ZNF10: variants seen among roughly 807,000 people sequenced by gnomAD.
The protein encoded by ZNF10 is zinc finger protein 10.
In ZNF10, 8 loss-of-function variants were observed where a neutral mutation model predicts 12.2. That is an observed-to-expected ratio of 0.66 (90% CI 0.39 to 1.18). ZNF10 has a LOEUF of 1.18. Ranked by LOEUF, ZNF10 falls within the 50% of genes most tolerant of loss-of-function variation. The probability of loss-of-function intolerance (pLI) is 0.01; values close to 1 mark genes in which losing one functional copy is unlikely to be tolerated. For missense variants in ZNF10, 603 were observed against 678.9 expected (o/e 0.89, Z 1.24); for synonymous variants, 229 against 228.2 (o/e 1.00, Z -0.03).
In ZNF10 at chr12:133,157,231, A is replaced by G. The variant is rs117473141; in HGVS notation, c.*263A>G. On this transcript the variant is annotated 3_prime_UTR_variant, in exon 5 of 5. Transcript: ENST00000248211. ...TCTTGACCAAGTCTTAAATGCTAGA[A>G]TCTGAGAAGGAATTATTAAATAGGT... The G allele has an allele frequency of 0.034, 10,214 of 299,712 alleles. 221 individuals are homozygous for G. Among genetic ancestry groups the G allele is most frequent in the South Asian group, 0.081 (503 of 6,246 alleles). The allele number at this position is 299,712 out of a possible 1,614,324, so 18.6% of individuals were successfully genotyped here.
chr12:133,159,060 A>G lies in ZNF10; in HGVS notation c.*2092A>G, dbSNP rs1418838344. 6.6e-6 allele frequency: 1 copy of G among 152,248 alleles called. No homozygotes were observed. The highest frequency in any genetic ancestry group is 1.5e-5 in the Non-Finnish European group (1 of 68,034). 9.4% of individuals were successfully genotyped at this position (152,248 alleles called of 1,614,324 possible). ...CCTGTGGCTCAATTTCCTCAACTGT[A>G]TAATGAGGTTACTACTAGTATCTAC... On this transcript the variant is annotated 3_prime_UTR_variant, in exon 5 of 5. Coordinates refer to ENST00000248211, the MANE Select transcript of ZNF10 (RefSeq NM_015394.5).
At position 133,155,923 on chromosome 12, in the gene ZNF10, T is replaced by C. The variant is rs770726965; in HGVS notation, c.677T>C (p.Ile226Thr). 5.6e-6 allele frequency: 9 copies of C among 1,614,000 alleles called. 1 individual carries two copies. Among genetic ancestry groups the C allele is most frequent in the South Asian group, 5.5e-5 (5 of 91,082 alleles). ...GQTFCQNIHL[I>T]QFARTHTGDK... is the part of the protein sequence containing the mutation. ...ACTTTCTGTCAAAACATTCACCTTA[T>C]TCAGTTTGCAAGAACTCACACAGGT... Residue 226 changes from isoleucine to threonine, a missense_variant, in exon 5 of 5, where the codon ATT (isoleucine) becomes ACT (threonine). Transcript: ENST00000248211.
At position 133,151,043 on chromosome 12, in the gene ZNF10, A is replaced by G. The variant is rs753411089; in HGVS notation, c.49A>G (p.Lys17Glu). ...TAWSRTLVTFKDVFVDFTREE... is the reference protein window; with the variant it reads ...TAWSRTLVTFEDVFVDFTREE... ...GATGTTGTAGACACTGGTGACCTTC[A>G]AGGATGTATTTGTGGACTTCACCAG... Residue 17 changes from lysine to glutamate, a missense_variant, in exon 3 of 5, where the codon AAG becomes GAG. Transcript: ENST00000248211. 1 of 1,612,856 alleles carries G rather than the reference A, an allele frequency of 6.2e-7. No homozygotes were observed. The highest frequency in any genetic ancestry group is 1.1e-5 in the South Asian group (1 of 90,948).
In ZNF10 at chr12:133,156,997, A is replaced by T. The variant is rs774111409; in HGVS notation, c.*29A>T. 7.1e-7 allele frequency: 1 copy of T among 1,407,382 alleles called. No individual in the cohort carries two copies. The highest frequency in any genetic ancestry group is 2.7e-5 in the Admixed American group (1 of 36,824). 87.2% of individuals were successfully genotyped at this position (1,407,382 alleles called of 1,614,324 possible). On this transcript the variant is annotated 3_prime_UTR_variant, in exon 5 of 5. Coordinates refer to ENST00000248211, the MANE Select transcript of ZNF10 (RefSeq NM_015394.5). Reference sequence around the variant, plus strand: ...ATATGGGAATTTTTCACAAAGAGCAATGACTTTATTTTGCATTGGAGAACT... The same window carrying T: ...ATATGGGAATTTTTCACAAAGAGCATTGACTTTATTTTGCATTGGAGAACT...
chr12:133,144,661 A>G lies in ZNF10; in HGVS notation c.33+136A>G. ...TTTTTGTTTTGTTTCCAGGTGAGTTAGGAAGAAGACAGATCACTGTGGGCT... is the reference window on the plus strand; with the variant it reads ...TTTTTGTTTTGTTTCCAGGTGAGTTGGGAAGAAGACAGATCACTGTGGGCT... On this transcript the variant is annotated intron_variant, in intron 2 of 4. Transcript: ENST00000248211. 7.1e-6 allele frequency: 6 copies of G among 847,924 alleles called. No individual in the cohort carries two copies. The South Asian group carries it at 9.9e-5, about 14-fold the overall frequency. The allele number at this position is 847,924 out of a possible 1,614,324, so 52.5% of individuals were successfully genotyped here.
intron 2 of ZNF10, 22 bp downstream of exon 2, chr12:133,144,547 GT>G (rs749319003): frequency 1.2e-6 from 2 of 1,612,080 alleles, no homozygotes; most frequent in African/African-American, 2.7e-5. Context: ...TTTCTTCCCA[GT>G]TTCCAACTGG....
chr12:133,131,459 A>G (rs1242261172), intron 1 of ZNF10, among the ~76,000 whole-genome samples: 1 of 152,130 alleles, frequency 6.6e-6, no homozygotes, highest in Non-Finnish European at 1.5e-5. Flanking sequence ...CTATACATTA[A>G]TTGCAGAAAG....
At chr12:133,140,202 CAAAAAAAAAAAAA>C (rs67577219) in intron 1 of ZNF10, among the ~76,000 whole-genome samples, 10 of 35,202 alleles carry the variant, frequency 2.8e-4, no homozygotes, top group African/African-American at 3.8e-4. Flanking sequence ...GACCCTGTCT[CAAAAAAAAAAAAA>C]AAAAAAAAAA....
chr12:133,142,517 A>G (rs1463902734), intron 1 of ZNF10, among the ~76,000 whole-genome samples: 1 of 152,178 alleles, frequency 6.6e-6, no homozygotes. Flanking sequence ...CAATACACAC[A>G]GCCCAATTGT....
chr12:133,144,477 C>T lies in ZNF10; in HGVS notation c.-16C>T, dbSNP rs749560020. The T allele has an allele frequency of 1.9e-6, 3 of 1,613,636 alleles. No individual in the cohort carries two copies. The South Asian group carries it at 3.3e-5, about 18-fold the overall frequency. ...CTGCTGTCACTCAAGGAAGTATCAT[C>T]AAGAACAAGGAGGGCATGGATGCTA... On this transcript the variant is annotated 5_prime_UTR_variant, in exon 2 of 5. Coordinates refer to ENST00000248211, the MANE Select transcript of ZNF10 (RefSeq NM_015394.5).
At chr12:133,148,180 G>A (rs1955986632) in intron 2 of ZNF10, among the ~76,000 whole-genome samples, 1 of 152,078 alleles carries the variant, frequency 6.6e-6, no homozygotes, top group African/African-American at 2.4e-5. Context: ...GAGTGCAGTG[G>A]TGTGATCTGG....
At chr12:133,151,989 C>T in intron 4 of ZNF10, 85 bp downstream of exon 4, 2 of 1,027,770 alleles carry the variant, frequency 1.9e-6, no homozygotes, top group Non-Finnish European at 3.0e-6. Flanking sequence ...GGTCACTGGC[C>T]CTCCTCACAG....
At chr12:133,131,796 T>C (rs1032470848) in intron 1 of ZNF10, among the ~76,000 whole-genome samples, 27 of 152,244 alleles carry the variant, frequency 1.8e-4, no homozygotes, top group African/African-American at 6.0e-4. Context: ...TAGTATATGC[T>C]AGTCACAAGG....
At chr12:133,148,933 G>A (rs948838615) in intron 2 of ZNF10, among the ~76,000 whole-genome samples, 1 of 151,522 alleles carries the variant, frequency 6.6e-6, no homozygotes, top group Non-Finnish European at 1.5e-5. Context: ...TGTATTTTTA[G>A]TAGAGACAGG....
intron 1 of ZNF10, chr12:133,139,375 T>G (rs1030659023): frequency 1.3e-5 from 2 of 152,242 alleles, no homozygotes. Context: ...GCAACTCAAG[T>G]GGTTCACCAT....
Position 133,154,802 on chromosome 12 carries a change from C to T in ZNF10, c.257-701C>T, listed in dbSNP as rs527278793. On this transcript the variant is annotated intron_variant, in intron 4 of 4. Transcript: ENST00000248211. Reference sequence around the variant, plus strand: ...TTTAAGAATACTAAATTGGGCCGGACGCACTGGCTCACGCCTATAATCCCA... The same window carrying T: ...TTTAAGAATACTAAATTGGGCCGGATGCACTGGCTCACGCCTATAATCCCA... Among the ~76,000 whole-genome samples, 16 of 152,288 alleles carry T rather than the reference C, an allele frequency of 1.1e-4. No homozygotes were observed. The South Asian group carries it at 2.5e-3, about 24-fold the overall frequency.
chr12:133,139,682 G>C (rs995718610), intron 1 of ZNF10, among the ~76,000 whole-genome samples: 2 of 152,114 alleles, frequency 1.3e-5, no homozygotes, highest in African/African-American at 4.8e-5. Context: ...GGAGTTGGTG[G>C]AAGACATTTA....
At chr12:133,153,245 G>A (rs1159481885) in intron 4 of ZNF10, among the ~76,000 whole-genome samples, 1 of 152,008 alleles carries the variant, frequency 6.6e-6, no homozygotes, top group Non-Finnish European at 1.5e-5. Flanking sequence ...CTACAAGGCT[G>A]TTAAATTCAT....
At chr12:133,148,399 G>A (rs12312938) in intron 2 of ZNF10, among the ~76,000 whole-genome samples, 11,004 of 152,248 alleles carry the variant, frequency 0.072, 656 homozygotes, top group African/African-American at 0.16. Flanking sequence ...GGGATTACAG[G>A]CGTGAGCCAC....
Sources: allele counts gnomAD v4.1 joint callset (sites outside exome capture counted in the v4.1 genomes callset), GRCh38; gene constraint gnomAD v4.1.1; transcripts MANE v1.5; gene names NCBI Gene and HGNC (gene_info 2026-07-23, HGNC 2026-07-21).